DTWD2: variants seen among roughly 807,000 people sequenced by gnomAD.
The protein encoded by DTWD2 is tRNA-uridine aminocarboxypropyltransferase 2.
Under a neutral mutation model 31.8 loss-of-function variants are expected in DTWD2, and 39 were observed. That is an observed-to-expected ratio of 1.22 (90% CI 0.95 to 1.60). The LOEUF is 1.60. DTWD2 is among the 40% of genes most tolerant of loss of function. The pLI, the probability that DTWD2 is intolerant of heterozygous loss-of-function variation, is 0.00. For synonymous variants in DTWD2, 180 were observed against 142.8 expected, an observed-to-expected ratio of 1.26 and a Z score of -1.86; for missense variants, 515 against 381.5, an observed-to-expected ratio of 1.35 and a Z score of -2.92.
intron 4 of DTWD2, among the ~76,000 whole-genome samples, chr5:118,871,760 T>C (rs1333182064): frequency 1.3e-5 from 2 of 152,140 alleles, no homozygotes; most frequent in Non-Finnish European, 2.9e-5. Flanking sequence ...GACCTTAGGT[T>C]TTTCAGAATG....
At chr5:118,895,943 A>G (rs1210489884) in intron 4 of DTWD2, among the ~76,000 whole-genome samples, 1 of 152,244 alleles carries the variant, frequency 6.6e-6, no homozygotes, top group African/African-American at 2.4e-5. Context: ...ATAAAATTAT[A>G]TAATTCATAC....
intron 1 of DTWD2, among the ~76,000 whole-genome samples, chr5:118,981,236 G>C (rs367650372): frequency 2.6e-5 from 4 of 152,292 alleles, no homozygotes; most frequent in African/African-American, 9.6e-5. Context: ...TTTATGTTGG[G>C]ATGATGAAAA....
chr5:118,953,779 C>A (rs1334647852), intron 1 of DTWD2, among the ~76,000 whole-genome samples: 1 of 152,174 alleles, frequency 6.6e-6, no homozygotes, highest in Non-Finnish European at 1.5e-5. Flanking sequence ...AGAAAAGGGT[C>A]ATCTAAGGTT....
chr5:118,936,323 G>A (rs548831283), intron 3 of DTWD2, among the ~76,000 whole-genome samples: 2 of 152,080 alleles, frequency 1.3e-5, no homozygotes, highest in Admixed American at 6.5e-5. Flanking sequence ...AAGATACTTT[G>A]AGGCCAGGAG....
intron 4 of DTWD2, among the ~76,000 whole-genome samples, chr5:118,849,121 G>A (rs7701819): frequency 0.37 from 56,682 of 151,954 alleles, 13,517 homozygotes; most frequent in African/African-American, 0.68. Context: ...TTTGCAATCT[G>A]TCCATCTGAC....
chr5:118,846,172 T>C (rs1751848231), intron 5 of DTWD2, among the ~76,000 whole-genome samples: 1 of 152,194 alleles, frequency 6.6e-6, no homozygotes, highest in Admixed American at 6.5e-5. Context: ...TATAATGGTA[T>C]ATTGATTTTT....
chr5:118,869,059 A>G (rs978168302), intron 4 of DTWD2, among the ~76,000 whole-genome samples: 2 of 152,154 alleles, frequency 1.3e-5, no homozygotes, highest in African/African-American at 4.8e-5. Flanking sequence ...AAAAAAAAGG[A>G]AAGTTATTAT....
rs569839297 is a variant in DTWD2, at chr5:118,968,686, G to A, written c.218+19608C>T. Among the ~76,000 whole-genome samples the A allele has an allele frequency of 9.2e-5, 14 of 152,292 alleles. No homozygotes were observed. In the East Asian group the frequency reaches 2.1e-3, roughly 23 times the overall value. Reference sequence around the variant, plus strand: ...TTGGGTCCAAAGCATAGCGCTATGCGGAGTCTCAACAGAGTGGCTCTGGTA... The same window carrying A: ...TTGGGTCCAAAGCATAGCGCTATGCAGAGTCTCAACAGAGTGGCTCTGGTA... On this transcript the variant is annotated intron_variant, in intron 1 of 5. Transcript: ENST00000510708.
intron 3 of DTWD2, among the ~76,000 whole-genome samples, chr5:118,938,771 A>G (rs909351801): frequency 3.3e-5 from 5 of 150,844 alleles, no homozygotes; most frequent in East Asian, 1.9e-4. Flanking sequence ...ACCATAGGGG[A>G]AAAAAAACTG....
intron 4 of DTWD2, among the ~76,000 whole-genome samples, chr5:118,899,080 T>G (rs1753146898): frequency 1.3e-5 from 2 of 152,224 alleles, no homozygotes; most frequent in African/African-American, 4.8e-5. Flanking sequence ...GCTCTCATAC[T>G]GTAAATATGT....
chr5:118,925,195 GA>G (rs1194429627), intron 4 of DTWD2, among the ~76,000 whole-genome samples: 16 of 152,210 alleles, frequency 1.1e-4, no homozygotes, highest in African/African-American at 3.9e-4. Flanking sequence ...GGAATGCAGG[GA>G]TAACATCGTT....
At chr5:118,876,977 A>T (rs1752635174) in intron 4 of DTWD2, among the ~76,000 whole-genome samples, 1 of 152,252 alleles carries the variant, frequency 6.6e-6, no homozygotes, top group Non-Finnish European at 1.5e-5. Flanking sequence ...AAAAATGCCT[A>T]ACACAATACT....
chr5:118,851,849 A>G (rs1361040110), intron 4 of DTWD2, among the ~76,000 whole-genome samples: 2 of 151,960 alleles, frequency 1.3e-5, no homozygotes, highest in African/African-American at 2.4e-5. Context: ...TAAAAAAAAA[A>G]AAAAGAAAAA....
intron 4 of DTWD2, among the ~76,000 whole-genome samples, chr5:118,928,292 C>T (rs1384988124): frequency 6.6e-6 from 1 of 151,868 alleles, no homozygotes; most frequent in African/African-American, 2.4e-5. Flanking sequence ...AATGCCTCAA[C>T]TACAGTAAAA....
chr5:118,879,440 T>C (rs1464447338), intron 4 of DTWD2, among the ~76,000 whole-genome samples: 1 of 151,672 alleles, frequency 6.6e-6, no homozygotes, highest in Non-Finnish European at 1.5e-5. Context: ...GTGAAACCTG[T>C]CTCTACTAAA....
At chr5:118,891,962 T>C (rs1361689063) in intron 4 of DTWD2, among the ~76,000 whole-genome samples, 2 of 152,214 alleles carry the variant, frequency 1.3e-5, no homozygotes, top group African/African-American at 4.8e-5. Context: ...GTAAGTTATA[T>C]GTGTAATGTT....
At chr5:118,851,756 G>A (rs1179494862) in intron 4 of DTWD2, among the ~76,000 whole-genome samples, 2 of 150,916 alleles carry the variant, frequency 1.3e-5, no homozygotes, top group Admixed American at 1.3e-4. Flanking sequence ...GAGTTACTGG[G>A]TGCAGCACAC....
At chr5:118,941,251 T>C (rs932871796) in intron 2 of DTWD2, among the ~76,000 whole-genome samples, 36 of 152,316 alleles carry the variant, frequency 2.4e-4, no homozygotes, top group African/African-American at 7.9e-4. Flanking sequence ...TATGTATACA[T>C]GTGCCATGTT....
chr5:118,976,045 A>C (rs2149601521), intron 1 of DTWD2, among the ~76,000 whole-genome samples: 1 of 152,250 alleles, frequency 6.6e-6, no homozygotes, highest in Non-Finnish European at 1.5e-5. Flanking sequence ...CTCACTCAAA[A>C]CCTCACAACT....
Sources: allele counts gnomAD v4.1 joint callset (sites outside exome capture counted in the v4.1 genomes callset), GRCh38; gene constraint gnomAD v4.1.1; transcripts MANE v1.5; gene names NCBI Gene and HGNC (gene_info 2026-07-23, HGNC 2026-07-21).